THSD7B: variants seen among roughly 807,000 people sequenced by gnomAD.
THSD7B encodes thrombospondin type-1 domain-containing protein 7B.
A neutral mutation model predicts 213.6 loss-of-function variants in THSD7B; 138 were observed. The ratio of observed to expected loss-of-function variants is 0.65; its 90% CI spans 0.56 to 0.74. The LOEUF (loss-of-function observed/expected upper bound fraction) is 0.74, where lower values mean the gene tolerates loss of function less well. Ranked by LOEUF, THSD7B falls within the 30% of genes least tolerant of loss-of-function variation. The pLI is 0.00. For synonymous variants in THSD7B, 742 were observed against 687.0 expected (o/e 1.08, Z -1.25); for missense variants, 1,931 against 1,991.5 (o/e 0.97, Z 0.58).
At chr2:137,141,319 T>C (rs1438991183) in intron 5 of THSD7B, among the ~76,000 whole-genome samples, 1 of 152,014 alleles carries the variant, frequency 6.6e-6, no homozygotes, top group Non-Finnish European at 1.5e-5. Context: ...ACATCTTCTG[T>C]AGAGAATTTA....
At chr2:137,357,220 A>G (rs1257558809) in intron 12 of THSD7B, among the ~76,000 whole-genome samples, 2 of 152,184 alleles carry the variant, frequency 1.3e-5, no homozygotes, top group Non-Finnish European at 2.9e-5. Context: ...TAAACGAATT[A>G]AATTGATACT....
At chr2:136,945,230 G>A (rs1684915311) in intron 2 of THSD7B, among the ~76,000 whole-genome samples, 1 of 152,194 alleles carries the variant, frequency 6.6e-6, no homozygotes, top group Admixed American at 6.5e-5. Context: ...ACTCTCTTAT[G>A]TAGAGTTTCT....
At chr2:136,985,366 A>G (rs1328266608) in intron 2 of THSD7B, among the ~76,000 whole-genome samples, 1 of 152,158 alleles carries the variant, frequency 6.6e-6, no homozygotes, top group Non-Finnish European at 1.5e-5. Flanking sequence ...GCTGCCTTGT[A>G]CAGCCTTGGG....
chr2:136,958,668 T>C (rs1439654423), intron 2 of THSD7B, among the ~76,000 whole-genome samples: 1 of 152,224 alleles, frequency 6.6e-6, no homozygotes, highest in African/African-American at 2.4e-5. Flanking sequence ...TATTTTTGAA[T>C]AACATTTATG....
chr2:137,596,678 CCT>C (rs901982919), intron 17 of THSD7B, among the ~76,000 whole-genome samples: 1 of 151,108 alleles, frequency 6.6e-6, no homozygotes, highest in African/African-American at 2.4e-5. Flanking sequence ...TTCTTCTCTC[CCT>C]CTCTTTCACC....
chr2:137,055,650 A>G (rs1244361228), intron 2 of THSD7B, among the ~76,000 whole-genome samples: 1 of 152,200 alleles, frequency 6.6e-6, no homozygotes, highest in Non-Finnish European at 1.5e-5. Flanking sequence ...AAGATCTGGC[A>G]TATTACAAGC....
chr2:137,518,010 T>C (rs548775261), intron 15 of THSD7B, among the ~76,000 whole-genome samples: 1 of 152,172 alleles, frequency 6.6e-6, no homozygotes, highest in South Asian at 2.1e-4. Flanking sequence ...CACAGCAGCA[T>C]TAAATCATCA....
intron 7 of THSD7B, among the ~76,000 whole-genome samples, chr2:137,192,343 T>C (rs1680674370): frequency 6.6e-6 from 1 of 152,024 alleles, no homozygotes; most frequent in South Asian, 2.1e-4. Flanking sequence ...ATAGAAAGGG[T>C]ATGAGCAAGG....
intron 2 of THSD7B, among the ~76,000 whole-genome samples, chr2:137,041,844 ACAT>A (rs1686887939): frequency 6.6e-6 from 1 of 152,190 alleles, no homozygotes; most frequent in Admixed American, 6.5e-5. Flanking sequence ...CCAATAAAGT[ACAT>A]CATGTCATAT....
chr2:137,060,497 A>G (rs570101835), intron 3 of THSD7B, among the ~76,000 whole-genome samples: 1 of 151,636 alleles, frequency 6.6e-6, no homozygotes, highest in Admixed American at 6.6e-5. Flanking sequence ...TTTGTTTATT[A>G]TATTTAGGTC....
chr2:137,276,749 G>T (rs532515649), intron 12 of THSD7B, among the ~76,000 whole-genome samples: 1 of 152,176 alleles, frequency 6.6e-6, no homozygotes, highest in East Asian at 1.9e-4. Flanking sequence ...AGGGATATAT[G>T]TGGCAAAATT....
At chr2:137,625,774 C>A (rs959317460) in intron 20 of THSD7B, among the ~76,000 whole-genome samples, 1 of 152,190 alleles carries the variant, frequency 6.6e-6, no homozygotes, top group Non-Finnish European at 1.5e-5. Context: ...CCCAAGGCAG[C>A]CCTGCTTCCA....
intron 2 of THSD7B, among the ~76,000 whole-genome samples, chr2:137,009,979 A>G (rs905737671): frequency 4.6e-5 from 7 of 152,238 alleles, no homozygotes; most frequent in Non-Finnish European, 8.8e-5. Context: ...CAGAAAATCC[A>G]TAAGGCTGTT....
chr2:137,393,012 A>AT (rs1427654215), intron 12 of THSD7B, among the ~76,000 whole-genome samples: 1 of 151,936 alleles, frequency 6.6e-6, no homozygotes, highest in African/African-American at 2.4e-5. Context: ...AATCCTAAAG[A>AT]TTTTTTGTAG....
intron 1 of THSD7B, among the ~76,000 whole-genome samples, chr2:136,790,644 A>G (rs1681950416): frequency 6.6e-6 from 1 of 152,122 alleles, no homozygotes; most frequent in Non-Finnish European, 1.5e-5. Context: ...ACTGTAATTT[A>G]TACTTATCTC....
At chr2:137,655,742 G>T in intron 22 of THSD7B, 82 bp downstream of exon 22, 1 of 1,416,978 alleles carries the variant, frequency 7.1e-7, no homozygotes, top group Non-Finnish European at 9.4e-7. Flanking sequence ...AGATGCTCTA[G>T]CTCATCAAAA....
At chr2:137,291,528 A>G (rs1472118988) in intron 12 of THSD7B, among the ~76,000 whole-genome samples, 1 of 152,188 alleles carries the variant, frequency 6.6e-6, no homozygotes, top group Admixed American at 6.5e-5. Flanking sequence ...ATGAACAAAA[A>G]TACATGTAAT....
intron 2 of THSD7B, among the ~76,000 whole-genome samples, chr2:136,888,579 T>C (rs1683761494): frequency 6.6e-6 from 1 of 152,128 alleles, no homozygotes; most frequent in Non-Finnish European, 1.5e-5. Flanking sequence ...TTTAATTACT[T>C]CCATGGATAT....
intron 6 of THSD7B, among the ~76,000 whole-genome samples, 179 bp from the exon 7 acceptor site, chr2:137,170,562 A>G (rs1187113523): frequency 6.6e-6 from 1 of 151,936 alleles, no homozygotes; most frequent in Non-Finnish European, 1.5e-5. Context: ...ATTCTTTCCC[A>G]TTCTCTTTTT....
Sources: allele counts gnomAD v4.1 joint callset (sites outside exome capture counted in the v4.1 genomes callset), GRCh38; gene constraint gnomAD v4.1.1; transcripts MANE v1.5; gene names NCBI Gene and HGNC (gene_info 2026-07-23, HGNC 2026-07-21).